The following TDRD9 variants were observed in gnomAD, a reference collection of about 807,000 sequenced individuals.
TDRD9 encodes ATP-dependent RNA helicase TDRD9.
A neutral mutation model predicts 172.6 loss-of-function variants in TDRD9; 124 were observed. The observed-to-expected ratio is 0.72, with a 90% CI of 0.62 to 0.83. TDRD9 has a LOEUF of 0.83. Ranked by LOEUF, TDRD9 falls within the 40% of genes least tolerant of loss-of-function variation. The pLI is 0.00. For missense variants in TDRD9, 1,479 were observed against 1,714.1 expected, an observed-to-expected ratio of 0.86 and a Z score of 2.42; for synonymous variants, 619 against 617.1, an observed-to-expected ratio of 1.00 and a Z score of -0.05.
intron 1 of TDRD9, among the ~76,000 whole-genome samples, chr14:103,954,281 ATAT>A (rs2032087887): frequency 6.6e-6 from 1 of 152,316 alleles, no homozygotes; most frequent in African/African-American, 2.4e-5. Flanking sequence ...ATTATTACAA[ATAT>A]TATGAAAATA....
chr14:103,957,469 T>C (rs567342343), intron 2 of TDRD9, among the ~76,000 whole-genome samples: 1 of 152,364 alleles, frequency 6.6e-6, no homozygotes, highest in South Asian at 2.1e-4. Context: ...TTATCTCTGG[T>C]CCAATTTCTA....
chr14:103,968,795 C>CAAAAAAGAAAAA (rs2032877984), intron 5 of TDRD9, among the ~76,000 whole-genome samples: 1 of 11,412 alleles, frequency 8.8e-5, no homozygotes, highest in Non-Finnish European at 2.7e-4. Context: ...GACTCTGTCT[C>CAAAAAAGAAAAA]AAAAAAAAAG....
At chr14:104,050,908 A>G (rs570781888) in intron 35 of TDRD9, among the ~76,000 whole-genome samples, 2 of 152,360 alleles carry the variant, frequency 1.3e-5, no homozygotes, top group African/African-American at 4.8e-5. Context: ...ACATTTACAT[A>G]GGCATGCATG....
intron 1 of TDRD9, among the ~76,000 whole-genome samples, chr14:103,950,090 C>CTT (rs58379140): frequency 0.32 from 34,723 of 108,244 alleles, 6,146 homozygotes; most frequent in Non-Finnish European, 0.34. Flanking sequence ...TCCTTCCTTC[C>CTT]TTTTTTTTTT....
intron 34 of TDRD9, among the ~76,000 whole-genome samples, chr14:104,047,989 A>C (rs1366441239): frequency 6.6e-6 from 1 of 152,186 alleles, no homozygotes; most frequent in Non-Finnish European, 1.5e-5. Flanking sequence ...AGCTGGCCAC[A>C]CACTCAGCCT....
intron 29 of TDRD9, 94 bp downstream of exon 29, chr14:104,031,357 T>C (rs1164032367): frequency 2.0e-5 from 23 of 1,131,222 alleles, no homozygotes; most frequent in Admixed American, 2.9e-5. Flanking sequence ...GGTGGTTTTT[T>C]CTTTTCTGGC....
rs916220271 is a variant in TDRD9 at position 104,049,443 on chromosome 14, TTAAAA to T, written c.3975-162_3975-158del. On this transcript the variant is annotated intron_variant, in intron 34 of 35. Coordinates refer to ENST00000409874, the MANE Select transcript of TDRD9 (RefSeq NM_153046.3). ...TTTCTGCTTTTGAATATGCCATAGA[TTAAAA>T]TATTTTCTGATCATAACTGCATAAA... 1.2e-5 allele frequency: 6 copies of T among 520,130 alleles called. No individual in the cohort carries two copies. The African/African-American group carries it at 1.2e-4, about 10-fold the overall frequency. The allele number at this position is 520,130 out of a possible 1,614,324, so 32.2% of individuals were successfully genotyped here.
At chr14:103,933,032 C>T (rs143776992) in intron 1 of TDRD9, among the ~76,000 whole-genome samples, 8 of 152,232 alleles carry the variant, frequency 5.3e-5, no homozygotes, top group East Asian at 3.9e-4. Flanking sequence ...ACCTTACTCA[C>T]GATGAAGGTG....
Position 104,026,098 on chromosome 14 carries a change from A to G in TDRD9, c.2983A>G (p.Met995Val). ...GTCTCATGTAGATCTACATCTTTTG[A>G]TGGAGATTCCCTGTCAATTTCTTGA... The part of the protein sequence containing the change: ...NKSHVDLHLL[M>V]EIPCQFLELP... The change falls in exon 27 of 36, where the codon ATG becomes GTG. Residue 995 changes from methionine (M) to valine (V), a missense_variant. Coordinates refer to ENST00000409874, the MANE Select transcript of TDRD9 (RefSeq NM_153046.3). 1.9e-6 allele frequency: 3 copies of G among 1,611,328 alleles called. No homozygotes were observed. Among genetic ancestry groups the G allele is most frequent in the African/African-American group, 2.7e-5 (2 of 74,918 alleles).
At chr14:103,966,972 A>C (rs1000749773) in intron 5 of TDRD9, 141 bp downstream of exon 5, 1 of 777,256 alleles carries the variant, frequency 1.3e-6, no homozygotes, top group African/African-American at 1.8e-5. Context: ...TTTCTCAGTA[A>C]GGATGGAATG....
At chr14:103,949,636 T>C (rs2031753641) in intron 1 of TDRD9, among the ~76,000 whole-genome samples, 1 of 152,204 alleles carries the variant, frequency 6.6e-6, no homozygotes. Flanking sequence ...TTGAAGGTTA[T>C]GACTCATGAA....
At chr14:104,039,495 A>G (rs768608332) in intron 32 of TDRD9, among the ~76,000 whole-genome samples, 12 of 152,164 alleles carry the variant, frequency 7.9e-5, no homozygotes, top group South Asian at 2.1e-4. Context: ...AGGGAGTAAC[A>G]TTGTATTTGT....
intron 33 of TDRD9, among the ~76,000 whole-genome samples, chr14:104,040,708 G>T (rs2152264231): frequency 6.6e-6 from 1 of 152,300 alleles, no homozygotes; most frequent in African/African-American, 2.4e-5. Flanking sequence ...AGGACACAAG[G>T]TCCTGCCCCT....
intron 11 of TDRD9, among the ~76,000 whole-genome samples, chr14:103,994,980 A>G (rs950002505): frequency 6.6e-6 from 1 of 150,654 alleles, no homozygotes; most frequent in African/African-American, 2.4e-5. Flanking sequence ...AAAAAATCAC[A>G]TTTCAGCAGT....
At chr14:103,979,461 A>G (rs547153474) in intron 7 of TDRD9, among the ~76,000 whole-genome samples, 32 of 152,328 alleles carry the variant, frequency 2.1e-4, no homozygotes, top group African/African-American at 7.0e-4. Flanking sequence ...GTGTGTGCAG[A>G]GATCACATGG....
chr14:104,031,008 A>C, intron 28 of TDRD9, 100 bp from the exon 29 acceptor site: 2 of 1,070,790 alleles, frequency 1.9e-6, no homozygotes, highest in Non-Finnish European at 2.7e-6. Context: ...ATGACATAGA[A>C]ATCAGAGTAA....
intron 35 of TDRD9, among the ~76,000 whole-genome samples, chr14:104,050,618 G>T (rs1435238944): frequency 6.7e-6 from 1 of 149,682 alleles, no homozygotes; most frequent in Non-Finnish European, 1.5e-5. Flanking sequence ...GCGCCTCAAG[G>T]TTGCTCCTGC....
At chr14:103,933,097 C>T (rs1034629372) in intron 1 of TDRD9, among the ~76,000 whole-genome samples, 1 of 152,270 alleles carries the variant, frequency 6.6e-6, no homozygotes, top group African/African-American at 2.4e-5. Context: ...GTGATTTTTA[C>T]GGATTTCCCC....
intron 1 of TDRD9, among the ~76,000 whole-genome samples, chr14:103,954,820 G>A (rs1241452962): frequency 2.0e-5 from 3 of 152,060 alleles, no homozygotes; most frequent in African/African-American, 7.2e-5. Flanking sequence ...GTAGAGACAG[G>A]GTTTCACCAT....
Sources: gnomAD v4.1 joint callset for allele counts (sites outside exome capture counted in the v4.1 genomes callset) on GRCh38, gnomAD v4.1.1 for gene constraint, MANE v1.5 for transcripts, NCBI Gene and HGNC (gene_info 2026-07-23, HGNC 2026-07-21) for gene names.